The following ENPEP variants were observed in gnomAD, a reference collection of about 807,000 sequenced individuals.
ENPEP encodes the protein glutamyl aminopeptidase.
A neutral mutation model predicts 114.5 loss-of-function variants in ENPEP; 103 were observed. The observed-to-expected ratio is 0.90, with a 90% CI of 0.77 to 1.06. ENPEP has a LOEUF of 1.06. ENPEP is among the 50% of genes least tolerant of loss of function. The pLI is 0.00. For synonymous variants in ENPEP, 420 were observed against 422.0 expected (o/e 1.00, Z 0.06); for missense variants, 1,196 against 1,161.3 (o/e 1.03, Z -0.43).
Position 110,488,646 on chromosome 4 carries a change from C to T in ENPEP, c.750C>T (p.Pro250=). ...CTTATACAATATCTATCACCCATCCCAAAGAATACGGAGCACTTTCAAATA... is the reference window on the plus strand; with the variant it reads ...CTTATACAATATCTATCACCCATCCTAAAGAATACGGAGCACTTTCAAATA... The part of the protein sequence containing the change: ...KATYTISITH[P]KEYGALSNMP... The change falls in exon 2 of 20, where the codon CCC becomes CCT. Residue 250 remains proline (P), a synonymous_variant. Coordinates refer to ENST00000265162, the MANE Select transcript of ENPEP (RefSeq NM_001977.4). 6.2e-7 allele frequency: 1 copy of T among 1,613,132 alleles called. No homozygotes were observed. Among genetic ancestry groups the T allele is most frequent in the South Asian group, 1.1e-5 (1 of 90,772 alleles).
At chr4:110,535,737 A>G (rs1726591437) in intron 11 of ENPEP, among the ~76,000 whole-genome samples, 1 of 152,218 alleles carries the variant, frequency 6.6e-6, no homozygotes, top group African/African-American at 2.4e-5. Flanking sequence ...CTGTAATCCC[A>G]ACACTTTGGG....
In ENPEP at chr4:110,548,257, A is replaced by C. The variant is rs1450984610; in HGVS notation, c.2082A>C (p.Arg694Ser). ...AAGAGAATTTTTTACCATGGCAGAG[A>C]GTAATTTCAGCTGTAACCTACATCA... Reference protein sequence around the residue: ...KREENFLPWQRVISAVTYIIS... With the variant: ...KREENFLPWQSVISAVTYIIS... The change falls in exon 14 of 20, where the codon AGA (arginine) becomes AGC (serine). Residue 694 changes from arginine to serine, a missense_variant. Coordinates refer to ENST00000265162, the MANE Select transcript of ENPEP (RefSeq NM_001977.4). 1 of 1,602,818 alleles carries C rather than the reference A, an allele frequency of 6.2e-7. No homozygotes were observed. The highest frequency in any genetic ancestry group is 1.1e-5 in the South Asian group (1 of 89,708).
At chr4:110,542,684 G>T in intron 11 of ENPEP, 67 bp from the exon 12 acceptor site, 2 of 1,422,182 alleles carry the variant, frequency 1.4e-6, no homozygotes, top group Non-Finnish European at 9.4e-7. Flanking sequence ...TGCCCTCTGG[G>T]TCTAATTTCT....
At chr4:110,503,908 G>A (rs954950476) in intron 3 of ENPEP, among the ~76,000 whole-genome samples, 1 of 152,208 alleles carries the variant, frequency 6.6e-6, no homozygotes, top group Non-Finnish European at 1.5e-5. Context: ...ATGGCCAGTA[G>A]TTAGGCTCTT....
Position 110,491,040 on chromosome 4 carries a change from A to T in ENPEP, c.794A>T (p.Glu265Val). The T allele has an allele frequency of 6.2e-7, 1 of 1,606,838 alleles. No homozygotes were observed. Among genetic ancestry groups the T allele is most frequent in the Non-Finnish European group, 8.5e-7 (1 of 1,178,388 alleles). ...ATCTTTTCTTTTCAATAGAAAGAAG[A>T]GTCAGTGGATGATAAATGGACTCGA... ...ALSNMPVAKE[E>V]SVDDKWTRTT... is the part of the protein sequence containing the mutation. Residue 265 changes from glutamate to valine, a missense_variant, in exon 3 of 20, where the codon GAG (glutamate) becomes GTG (valine). Glu to Val is a moderately radical substitution (Grantham distance 121). Transcript: ENST00000265162.
chr4:110,560,571 CA>C (rs1214491422), intron 19 of ENPEP, among the ~76,000 whole-genome samples: 1 of 152,018 alleles, frequency 6.6e-6, no homozygotes, highest in Non-Finnish European at 1.5e-5. Context: ...TTAAAAGCTG[CA>C]AAAGTTGAGG....
intron 3 of ENPEP, chr4:110,500,286 G>GGAGGCCTGCTTTTCCA (rs1198615447): frequency 1.3e-5 from 2 of 152,136 alleles, no homozygotes; most frequent in Non-Finnish European, 2.9e-5. Flanking sequence ...GCTCCAATAT[G>GGAGGCCTGCTTTTCCA]ATAAGGGAAA....
At position 110,561,273 on chromosome 4, in the gene ENPEP, A is replaced by G. The variant is rs1727667745; in HGVS notation, c.2722-133A>G. 3.4e-6 allele frequency: 3 copies of G among 875,412 alleles called. No individual in the cohort carries two copies. The Admixed American group carries it at 7.8e-5, about 23-fold the overall frequency. 54.2% of individuals were successfully genotyped at this position (875,412 alleles called of 1,614,324 possible). ...GGGTTCAGTCTGAATGATGCGCCAGAGGTGTAGCTCAACGTTGTGCAGTGA... is the reference window on the plus strand; with the variant it reads ...GGGTTCAGTCTGAATGATGCGCCAGGGGTGTAGCTCAACGTTGTGCAGTGA... On this transcript the variant is annotated intron_variant, in intron 19 of 19. Transcript: ENST00000265162.
intron 3 of ENPEP, among the ~76,000 whole-genome samples, chr4:110,503,135 A>G (rs1394004383): frequency 6.6e-6 from 1 of 151,956 alleles, no homozygotes; most frequent in East Asian, 1.9e-4. Context: ...ATTCCCACCT[A>G]TGAGTGAGAA....
At position 110,520,084 on chromosome 4, in the gene ENPEP, G is replaced by A. The variant is rs1364619179; in HGVS notation, c.1575+11G>A. 1.2e-6 allele frequency: 2 copies of A among 1,612,902 alleles called. No individual in the cohort carries two copies. The highest frequency in any genetic ancestry group is 1.7e-6 in the Non-Finnish European group (2 of 1,179,176). ...GCAGCACTGGAAGAGGTAAGGAAGA[G>A]TATATGTCCCCAAATATTTCTTTGT... On this transcript the variant is annotated intron_variant, in intron 9 of 19. Transcript: ENST00000265162.
rs1727737835 is a variant in ENPEP at position 110,563,423 on chromosome 4, T to C, written c.*1865T>C. On this transcript the variant is annotated 3_prime_UTR_variant, in exon 20 of 20. Transcript: ENST00000265162. ...AACTGAGAACAAATTGTTTACTTCT[T>C]TTCACTCCACACGCGAAAGAGTTGT... 1 of 152,188 alleles carries C rather than the reference T, an allele frequency of 6.6e-6. No homozygotes were observed. The highest frequency in any genetic ancestry group is 6.5e-5 in the Admixed American group (1 of 15,282). 9.4% of individuals were successfully genotyped at this position (152,188 alleles called of 1,614,324 possible). A position where few individuals can be genotyped will look rare whatever the true frequency, so the allele number is the denominator to read the frequency against.
chr4:110,498,784 C>T (rs943810240), intron 3 of ENPEP, among the ~76,000 whole-genome samples: 1 of 152,080 alleles, frequency 6.6e-6, no homozygotes, highest in Non-Finnish European at 1.5e-5. Flanking sequence ...AGGTTCTCAT[C>T]TCAGTCCCCT....
rs188289820 is a variant in ENPEP, at chr4:110,557,724, G to A, written c.2643-1923G>A. Among the ~76,000 whole-genome samples the A allele has an allele frequency of 2.6e-3, 393 of 152,302 alleles. 1 individual carries two copies. Among genetic ancestry groups the A allele is most frequent in the African/African-American group, 8.9e-3 (370 of 41,562 alleles). Reference sequence around the variant, plus strand: ...TAGGGGCAGCATTACTAATGCCTCAGAATCACATTTTAGATAATGACTGAT... The same window carrying A: ...TAGGGGCAGCATTACTAATGCCTCAAAATCACATTTTAGATAATGACTGAT... On this transcript the variant is annotated intron_variant, in intron 18 of 19. Transcript: ENST00000265162.
chr4:110,533,128 A>G, intron 11 of ENPEP: 1 of 450,786 alleles, frequency 2.2e-6, no homozygotes, highest in South Asian at 1.6e-5. Context: ...TGTTTGATTT[A>G]CTGTTTACAA....
intron 19 of ENPEP, 21 bp from the exon 20 acceptor site, chr4:110,561,385 T>A: frequency 6.2e-7 from 1 of 1,611,048 alleles, no homozygotes; most frequent in South Asian, 1.1e-5. Flanking sequence ...ACAATCCTAA[T>A]TACTCCCCTC....
chr4:110,558,816 G>A (rs939929087), intron 18 of ENPEP, among the ~76,000 whole-genome samples: 22 of 152,192 alleles, frequency 1.4e-4, no homozygotes, highest in African/African-American at 5.1e-4. Flanking sequence ...AAAGAGAACA[G>A]GGGTAGAATA....
At chr4:110,493,225 A>G (rs542708858) in intron 3 of ENPEP, among the ~76,000 whole-genome samples, 9 of 152,226 alleles carry the variant, frequency 5.9e-5, no homozygotes, top group Non-Finnish European at 1.0e-4. Flanking sequence ...TGGATTTTAT[A>G]TAAAGGATTT....
At chr4:110,557,924 C>T (rs1480065924) in intron 18 of ENPEP, among the ~76,000 whole-genome samples, 1 of 151,706 alleles carries the variant, frequency 6.6e-6, no homozygotes, top group Non-Finnish European at 1.5e-5. Context: ...CTCCCTGTTA[C>T]CAATTTGTAA....
chr4:110,563,531 G>C lies in ENPEP; in HGVS notation c.*1973G>C, dbSNP rs773905597. Reference sequence around the variant, plus strand: ...TTTTTTAAAAGGCTGATGCCTAATAGATAGATCTATGCCAAGCACAGTTTA... The same window carrying C: ...TTTTTTAAAAGGCTGATGCCTAATACATAGATCTATGCCAAGCACAGTTTA... On this transcript the variant is annotated 3_prime_UTR_variant, in exon 20 of 20. Transcript: ENST00000265162. 4.6e-5 allele frequency: 7 copies of C among 152,228 alleles called. No homozygotes were observed. Among genetic ancestry groups the C allele is most frequent in the Non-Finnish European group, 1.0e-4 (7 of 67,982 alleles). The allele number at this position is 152,228 out of a possible 1,614,324, so 9.4% of individuals were successfully genotyped here.
Sources: gnomAD v4.1 joint callset for allele counts (sites outside exome capture counted in the v4.1 genomes callset) on GRCh38, gnomAD v4.1.1 for gene constraint, MANE v1.5 for transcripts, NCBI Gene and HGNC (gene_info 2026-07-23, HGNC 2026-07-21) for gene names.